Variants in CRHR1 observed in about 807,000 individuals in gnomAD.
CRHR1 encodes the protein corticotropin-releasing hormone receptor 1.
CRHR1 carries 28 observed loss-of-function variants against 56.0 expected under a neutral mutation model. The ratio of observed to expected loss-of-function variants is 0.50; its 90% CI spans 0.37 to 0.69. The LOEUF is 0.69. Among genes scored for constraint, CRHR1 ranks in the 30% least tolerant of loss-of-function variants. CRHR1 has a pLI of 0.00. For missense variants in CRHR1, 376 were observed against 548.0 expected (o/e 0.69, Z 3.13); for synonymous variants, 195 against 216.5 (o/e 0.90, Z 0.87).
rs532242436 is a variant in CRHR1 at position 45,784,633 on chromosome 17, C to A, written c.33+56C>A. The A allele has an allele frequency of 2.9e-5, 44 of 1,513,304 alleles. No individual in the cohort carries two copies. In the African/African-American group the frequency reaches 5.8e-4, roughly 20 times the overall value. The allele number at this position is 1,513,304 out of a possible 1,614,324, so 93.7% of individuals were successfully genotyped here. ...TGGCGCCCCCGGCCCCTGGCGGACGCGGGACGGGGCTGGGCTGTGGGTGTG... is the reference window on the plus strand; with the variant it reads ...TGGCGCCCCCGGCCCCTGGCGGACGAGGGACGGGGCTGGGCTGTGGGTGTG... On this transcript the variant is annotated intron_variant, in intron 1 of 12. Transcript: ENST00000314537. The surrounding 1 kb of genome is among the most constrained non-coding windows in gnomAD (Gnocchi z 4.2).
In CRHR1 at chr17:45,835,545, A is replaced by G. The variant is rs1206369990; in HGVS notation, c.*781A>G. 3 of 152,528 alleles carry G rather than the reference A, an allele frequency of 2.0e-5. No individual in the cohort carries two copies. Among genetic ancestry groups the G allele is most frequent in the Non-Finnish European group, 2.9e-5 (2 of 68,262 alleles). 9.4% of individuals were successfully genotyped at this position (152,528 alleles called of 1,614,324 possible). A position where few individuals can be genotyped will look rare whatever the true frequency, so the allele number is the denominator to read the frequency against. ...GCAGAGTGGCCTGTGAGCAAGAGCCAGGGGTGTCCCAGTCCCAGCCTCTGG... is the reference window on the plus strand; with the variant it reads ...GCAGAGTGGCCTGTGAGCAAGAGCCGGGGGTGTCCCAGTCCCAGCCTCTGG... On this transcript the variant is annotated 3_prime_UTR_variant, in exon 13 of 13. Coordinates refer to ENST00000314537, the MANE Select transcript of CRHR1 (RefSeq NM_004382.5).
intron 1 of CRHR1, chr17:45,799,939 G>A (rs566282277): frequency 1.3e-5 from 2 of 152,980 alleles, no homozygotes; most frequent in African/African-American, 4.8e-5. Context: ...TACAAGCTCA[G>A]GACCCTCCCC....
At chr17:45,785,290 G>A (rs1324792384) in intron 1 of CRHR1, among the ~76,000 whole-genome samples, 1 of 152,254 alleles carries the variant, frequency 6.6e-6, no homozygotes, top group Non-Finnish European at 1.5e-5. Flanking sequence ...CACGTCCAGC[G>A]TCTGCCCGCT....
rs1277160800 is a variant in CRHR1, at chr17:45,784,612, G to A, written c.33+35G>A. ...CGCCGGCCATCCCTCGAGCGCTGGC[G>A]CCCCCGGCCCCTGGCGGACGCGGGA... On this transcript the variant is annotated intron_variant, in intron 1 of 12. Transcript: ENST00000314537. The surrounding 1 kb of genome is among the most constrained non-coding windows in gnomAD (Gnocchi z 4.2). The A allele has an allele frequency of 1.3e-6, 2 of 1,532,784 alleles. No individual in the cohort carries two copies. The highest frequency in any genetic ancestry group is 2.6e-5 in the East Asian group (1 of 38,922). 94.9% of individuals were successfully genotyped at this position (1,532,784 alleles called of 1,614,324 possible).
chr17:45,833,421 A>G lies in CRHR1; in HGVS notation c.844-31A>G, dbSNP rs1251585638. The G allele has an allele frequency of 2.5e-6, 4 of 1,611,352 alleles. No homozygotes were observed. In the Admixed American group the frequency reaches 5.0e-5, roughly 20 times the overall value. On this transcript the variant is annotated intron_variant, in intron 9 of 12. Coordinates refer to ENST00000314537, the MANE Select transcript of CRHR1 (RefSeq NM_004382.5). Reference sequence around the variant, plus strand: ...AGCCTGGGTCCCAAGCCTCTTGCACACTCCGGCCCGCTGGTGTGCTCAAAT... The same window carrying G: ...AGCCTGGGTCCCAAGCCTCTTGCACGCTCCGGCCCGCTGGTGTGCTCAAAT...
At chr17:45,834,135 C>A in intron 12 of CRHR1, 87 bp downstream of exon 12, 3 of 1,508,828 alleles carry the variant, frequency 2.0e-6, no homozygotes, top group South Asian at 1.1e-5. Flanking sequence ...CCTCCCCTCC[C>A]AGGGCTGCCT....
intron 3 of CRHR1, among the ~76,000 whole-genome samples, chr17:45,817,126 G>A (rs938461892): frequency 2.0e-5 from 3 of 152,160 alleles, no homozygotes; most frequent in Non-Finnish European, 4.4e-5. Flanking sequence ...GGGGCAGGAC[G>A]GGGTTGACCC....
At chr17:45,798,893 A>G (rs1598405097) in intron 1 of CRHR1, among the ~76,000 whole-genome samples, 2 of 152,240 alleles carry the variant, frequency 1.3e-5, no homozygotes, top group Non-Finnish European at 2.9e-5. Flanking sequence ...AGTTAATTAA[A>G]TGTAACAATA....
Position 45,807,090 on chromosome 17 carries a change from C to T in CRHR1, c.114C>T (p.Asn38=), listed in dbSNP as rs1405230764. 7 of 1,614,054 alleles carry T rather than the reference C, an allele frequency of 4.3e-6. No homozygotes were observed. In the South Asian group the frequency reaches 6.6e-5, roughly 15 times the overall value. ...GCGAGAGCCTGTCCCTGGCCAGCAA[C>T]ATCTCAGGTGAGTCCCCTCAACCCC... ...QHCESLSLAS[N]ISGLQCNASV... The change falls in exon 2 of 13, where the codon AAC becomes AAT. Residue 38 remains asparagine, a synonymous_variant. Transcript: ENST00000314537.
chr17:45,804,363 A>G (rs984145655), intron 1 of CRHR1, among the ~76,000 whole-genome samples: 4 of 152,162 alleles, frequency 2.6e-5, no homozygotes, highest in African/African-American at 9.7e-5. Flanking sequence ...CTACAAACTC[A>G]GGCACTACCG....
At chr17:45,832,186 C>T (rs1277766272) in intron 8 of CRHR1, among the ~76,000 whole-genome samples, 1 of 152,160 alleles carries the variant, frequency 6.6e-6, no homozygotes, top group Admixed American at 6.5e-5. Flanking sequence ...GAGCCAAGAT[C>T]GTGCCACTGC....
At chr17:45,790,303 T>C (rs976329262) in intron 1 of CRHR1, among the ~76,000 whole-genome samples, 2 of 152,204 alleles carry the variant, frequency 1.3e-5, no homozygotes, top group African/African-American at 2.4e-5. Flanking sequence ...AGACAACAGA[T>C]TCTTAATCAC....
chr17:45,817,825 G>C (rs2061959830), intron 3 of CRHR1, among the ~76,000 whole-genome samples: 1 of 152,240 alleles, frequency 6.6e-6, no homozygotes. Context: ...GGGGCCAAGG[G>C]GAGGAAGTGC....
At chr17:45,788,891 C>T (rs1440437593) in intron 1 of CRHR1, among the ~76,000 whole-genome samples, 1 of 152,194 alleles carries the variant, frequency 6.6e-6, no homozygotes, top group Non-Finnish European at 1.5e-5. Flanking sequence ...TTTCTGTTCC[C>T]ACCAGATGCA....
chr17:45,831,388 A>G (rs1176674683), intron 8 of CRHR1, among the ~76,000 whole-genome samples: 1 of 152,228 alleles, frequency 6.6e-6, no homozygotes, highest in East Asian at 1.9e-4. Flanking sequence ...TATTAATATT[A>G]AGACATCTTA....
Position 45,835,086 on chromosome 17 carries a change from T to G in CRHR1, c.*322T>G. The G allele has an allele frequency of 2.8e-6, 1 of 359,922 alleles. No homozygotes were observed. The allele number at this position is 359,922 out of a possible 1,614,324, so 22.3% of individuals were successfully genotyped here. A position where few individuals can be genotyped will look rare whatever the true frequency, so the allele number is the denominator to read the frequency against. ...AGCAGCACGCATGTCCCTCCAAGGC[T>G]GTCTTCTCCCAGAGCACAAGAAGGC... is the stretch of plus-strand genomic sequence containing the variant. On this transcript the variant is annotated 3_prime_UTR_variant, in exon 13 of 13. Coordinates refer to ENST00000314537, the MANE Select transcript of CRHR1 (RefSeq NM_004382.5).
At chr17:45,796,347 G>C (rs967644947) in intron 1 of CRHR1, among the ~76,000 whole-genome samples, 1 of 152,070 alleles carries the variant, frequency 6.6e-6, no homozygotes, top group Non-Finnish European at 1.5e-5. Flanking sequence ...AGCCCTTCCT[G>C]AGTCCCATCC....
chr17:45,833,693 T>TGGGGGGCCCCCCCCCCC, intron 10 of CRHR1, 21 bp from the exon 11 acceptor site: 6 of 1,571,578 alleles, frequency 3.8e-6, no homozygotes, highest in Non-Finnish European at 5.2e-6. Flanking sequence ...ACTCCGAGCC[T>TGGGGGGCCCCCCCCCCC]CCCCACCCGC....
intron 4 of CRHR1, among the ~76,000 whole-genome samples, chr17:45,828,605 T>C (rs571000111): frequency 2.0e-5 from 3 of 152,336 alleles, no homozygotes; most frequent in East Asian, 3.9e-4. Flanking sequence ...ACAGATCCCC[T>C]TGGGCCAGGG....
Sources: allele counts gnomAD v4.1 joint callset (sites outside exome capture counted in the v4.1 genomes callset), GRCh38; gene constraint gnomAD v4.1.1; non-coding constraint Gnocchi (gnomAD v3.1); transcripts MANE v1.5; gene names NCBI Gene and HGNC (gene_info 2026-07-23, HGNC 2026-07-21).